The following PCNT variants were observed in gnomAD, a reference collection of about 807,000 sequenced individuals.
PCNT encodes pericentrin.
A neutral mutation model predicts 380.4 loss-of-function variants in PCNT; 319 were observed. That is an observed-to-expected ratio of 0.84 (90% CI 0.77 to 0.92). The LOEUF is 0.92. PCNT is among the 40% of genes least tolerant of loss of function. The probability of loss-of-function intolerance (pLI) is 0.00; values close to 1 mark genes in which losing one functional copy is unlikely to be tolerated. For missense variants in PCNT, 4,400 were observed against 4,255.3 expected (o/e 1.03, Z -0.95); for synonymous variants, 1,845 against 1,735.2 (o/e 1.06, Z -1.57).
intron 15 of PCNT, among the ~76,000 whole-genome samples, chr21:46,373,167 T>TACAG (rs2147025817): frequency 1.3e-5 from 2 of 152,186 alleles, no homozygotes; most frequent in South Asian, 4.1e-4. Context: ...ACTACAGATG[T>TACAG]GCACCACCAT....
intron 31 of PCNT, among the ~76,000 whole-genome samples, chr21:46,419,540 G>A (rs1191404466): frequency 6.6e-6 from 1 of 152,218 alleles, no homozygotes; most frequent in Non-Finnish European, 1.5e-5. Context: ...CTTAAAGGAC[G>A]CGCCCCGTGT....
intron 39 of PCNT, 56 bp from the exon 40 acceptor site, chr21:46,436,923 G>A: frequency 8.0e-7 from 1 of 1,244,058 alleles, no homozygotes; most frequent in Non-Finnish European, 1.2e-6. Context: ...GTTTAGTTTT[G>A]CATAATGGTC....
rs1403500811 is a variant in PCNT at position 46,430,292 on chromosome 21, C to G, written c.7913+60C>G. 18 of 1,520,626 alleles carry G rather than the reference C, an allele frequency of 1.2e-5. No individual in the cohort carries two copies. The African/African-American group carries it at 2.2e-4, about 19-fold the overall frequency. The allele number at this position is 1,520,626 out of a possible 1,614,324, so 94.2% of individuals were successfully genotyped here. The stretch of plus-strand genomic sequence containing the variant: ...GAGTCCCCCCGTTGTGCCATGTTTT[C>G]TTGGTGATGAAGGGAGACAGAACCT... On this transcript the variant is annotated intron_variant, in intron 36 of 46. Transcript: ENST00000359568.
intron 3 of PCNT, among the ~76,000 whole-genome samples, chr21:46,335,680 G>T: frequency 6.7e-6 from 1 of 148,378 alleles, no homozygotes. Flanking sequence ...TTGTTTTTTG[G>T]TTTTTGGGGT....
intron 25 of PCNT, among the ~76,000 whole-genome samples, chr21:46,400,093 T>G (rs988588001): frequency 7.2e-5 from 11 of 152,250 alleles, no homozygotes; most frequent in African/African-American, 2.4e-4. Context: ...ATTTAAGATT[T>G]TAGGTTTAAA....
intron 15 of PCNT, among the ~76,000 whole-genome samples, chr21:46,369,613 T>A (rs2839229): frequency 6.6e-6 from 1 of 152,134 alleles, no homozygotes; most frequent in African/African-American, 2.4e-5. Flanking sequence ...AATGAAGTTC[T>A]GAAAGAATAT....
chr21:46,393,170 G>C (rs899101655), intron 21 of PCNT, among the ~76,000 whole-genome samples: 3 of 152,178 alleles, frequency 2.0e-5, no homozygotes, highest in Non-Finnish European at 4.4e-5. Flanking sequence ...GTGTCCACAG[G>C]GGGAGTGCGG....
intron 40 of PCNT, among the ~76,000 whole-genome samples, chr21:46,437,468 T>G (rs2053493023): frequency 6.6e-6 from 1 of 152,202 alleles, no homozygotes; most frequent in Admixed American, 6.5e-5. Flanking sequence ...ATGGTTCTGC[T>G]CTGGTGCTGG....
chr21:46,391,991 G>A (rs1018981483), intron 21 of PCNT, among the ~76,000 whole-genome samples: 10 of 152,212 alleles, frequency 6.6e-5, no homozygotes, highest in African/African-American at 1.2e-4. Context: ...CAGGATGGCC[G>A]TGGCCTCGGG....
At chr21:46,376,399 G>T (rs1422747732) in intron 15 of PCNT, among the ~76,000 whole-genome samples, 4 of 152,206 alleles carry the variant, frequency 2.6e-5, no homozygotes, top group Non-Finnish European at 5.9e-5. Context: ...CCTTTGCTGG[G>T]CACCGGGAGC....
chr21:46,421,547 G>A (rs2087249837), intron 31 of PCNT, among the ~76,000 whole-genome samples: 1 of 152,220 alleles, frequency 6.6e-6, no homozygotes, highest in South Asian at 2.1e-4. Flanking sequence ...AGCGTTTCCT[G>A]AGCAGTCATT....
chr21:46,421,329 T>C (rs2087240496), intron 31 of PCNT, among the ~76,000 whole-genome samples: 1 of 152,208 alleles, frequency 6.6e-6, no homozygotes, highest in South Asian at 2.1e-4. Context: ...AACACCCTTT[T>C]TCCAGGGCGC....
At chr21:46,415,749 G>C (rs1251305371) in intron 29 of PCNT, among the ~76,000 whole-genome samples, 7 of 152,164 alleles carry the variant, frequency 4.6e-5, no homozygotes, top group East Asian at 3.9e-4. Context: ...TACACACACA[G>C]AAACTCCAAA....
chr21:46,377,134 T>G (rs2085354537), intron 15 of PCNT, among the ~76,000 whole-genome samples: 1 of 152,198 alleles, frequency 6.6e-6, no homozygotes, highest in Non-Finnish European at 1.5e-5. Flanking sequence ...AGGGCTTCCA[T>G]GTGTTTATTG....
At chr21:46,420,010 G>A (rs2087182419) in intron 31 of PCNT, among the ~76,000 whole-genome samples, 1 of 152,194 alleles carries the variant, frequency 6.6e-6, no homozygotes, top group Non-Finnish European at 1.5e-5. Context: ...GTGGTTGTCG[G>A]TTGGTTGGCT....
intron 33 of PCNT, 151 bp downstream of exon 33, chr21:46,426,122 C>T: frequency 4.0e-6 from 3 of 747,576 alleles, no homozygotes; most frequent in South Asian, 2.0e-5. Flanking sequence ...GCAACCTCCA[C>T]CACCCCGGGT....
At chr21:46,334,997 C>A (rs2083686956) in intron 3 of PCNT, among the ~76,000 whole-genome samples, 1 of 152,206 alleles carries the variant, frequency 6.6e-6, no homozygotes, top group Admixed American at 6.5e-5. Context: ...TCATACCCTT[C>A]TCCCTGAGCT....
At chr21:46,373,669 T>C (rs10222167) in intron 15 of PCNT, among the ~76,000 whole-genome samples, 145,120 of 145,392 alleles carry the variant, frequency 1, 72,424 homozygotes, top group Non-Finnish European at 1. Context: ...TCGTGATCCG[T>C]CCGCCTCACC....
At chr21:46,334,166 C>T (rs984386952) in intron 2 of PCNT, among the ~76,000 whole-genome samples, 12 of 148,818 alleles carry the variant, frequency 8.1e-5, no homozygotes, top group Non-Finnish European at 1.6e-4. Context: ...GATTGTGCCA[C>T]TGCACTCCAG....
Sources: allele counts gnomAD v4.1 joint callset (sites outside exome capture counted in the v4.1 genomes callset), GRCh38; gene constraint gnomAD v4.1.1; transcripts MANE v1.5; gene names NCBI Gene and HGNC (gene_info 2026-07-23, HGNC 2026-07-21).